Variants in NF1 observed in about 807,000 individuals in gnomAD.
NF1 encodes the protein neurofibromin.
Under a neutral mutation model 325.7 loss-of-function variants are expected in NF1, and 122 were observed. The observed-to-expected ratio is 0.37, with a 90% CI of 0.32 to 0.44. NF1 has a LOEUF of 0.44. Among genes scored for constraint, NF1 ranks in the 20% least tolerant of loss-of-function variants. The pLI is 1.00. For synonymous variants in NF1, 1,091 were observed against 1,186.0 expected (o/e 0.92, Z 1.65); for missense variants, 2,140 against 3,415.4 (o/e 0.63, Z 9.31).
At chr17:31,281,728 A>T (rs2151485875) in intron 36 of NF1, among the ~76,000 whole-genome samples, 1 of 152,274 alleles carries the variant, frequency 6.6e-6, no homozygotes, top group East Asian at 1.9e-4. Context: ...GTTTAAAAAA[A>T]AAAAATTCAT....
At chr17:31,332,970 C>CA (rs1464268824) in intron 39 of NF1, among the ~76,000 whole-genome samples, 1 of 151,992 alleles carries the variant, frequency 6.6e-6, no homozygotes, top group Non-Finnish European at 1.5e-5. Flanking sequence ...AGCCAGGCAC[C>CA]ATGGCACATG....
chr17:31,143,814 C>T (rs1443239944), intron 1 of NF1, among the ~76,000 whole-genome samples: 2 of 151,636 alleles, frequency 1.3e-5, no homozygotes, highest in African/African-American at 4.8e-5. Context: ...TTTTTCTTTT[C>T]TTTTCTTTTT....
intron 36 of NF1, among the ~76,000 whole-genome samples, chr17:31,273,100 G>A (rs1010988858): frequency 6.6e-6 from 1 of 152,060 alleles, no homozygotes; most frequent in Non-Finnish European, 1.5e-5. Context: ...AGTAGGGTAG[G>A]GGCAAAGACT....
rs374275556 is a variant in NF1 at position 31,192,057 on chromosome 17, G to A, written c.889-8365G>A. On this transcript the variant is annotated intron_variant, in intron 8 of 57. Transcript: ENST00000358273. The stretch of plus-strand genomic sequence containing the variant: ...GTTTTTCCAGTCACCTGTTTCTTTT[G>A]ACTATAGTATCTTTTTTTAAAAAGA... Among the ~76,000 whole-genome samples the A allele has an allele frequency of 1.5e-4, 23 of 152,082 alleles. No individual in the cohort carries two copies. In the South Asian group the frequency reaches 4.6e-3, roughly 30 times the overall value.
intron 12 of NF1, among the ~76,000 whole-genome samples, chr17:31,206,639 G>C (rs1445305067): frequency 1.3e-5 from 2 of 150,958 alleles, no homozygotes; most frequent in African/African-American, 4.9e-5. Context: ...TTTTTTTTCT[G>C]TTTTTAAAGT....
intron 36 of NF1, chr17:31,307,832 A>G: frequency 8.4e-7 from 1 of 1,195,356 alleles, no homozygotes; most frequent in Non-Finnish European, 1.1e-6. Context: ...ATAAGCCTAT[A>G]TTTAGAGAGA....
intron 8 of NF1, among the ~76,000 whole-genome samples, chr17:31,184,638 A>T (rs2066201251): frequency 6.9e-6 from 1 of 145,526 alleles, no homozygotes; most frequent in African/African-American, 2.5e-5. Context: ...CGACAGCGAG[A>T]CTCCGTCTCA....
At chr17:31,247,706 G>A (rs1212235250) in intron 29 of NF1, among the ~76,000 whole-genome samples, 2 of 152,114 alleles carry the variant, frequency 1.3e-5, no homozygotes, top group Non-Finnish European at 2.9e-5. Flanking sequence ...GTGCAAGAAT[G>A]TTCATTGCAA....
chr17:31,221,816 TTC>T (rs769493882), intron 14 of NF1, 32 bp from the exon 15 acceptor site: 8 of 1,491,820 alleles, frequency 5.4e-6, no homozygotes, highest in Admixed American at 3.3e-5. Context: ...TGAGTGAGTC[TTC>T]TCTTTGTCTT....
chr17:31,140,253 G>A (rs1275266545), intron 1 of NF1, among the ~76,000 whole-genome samples: 2 of 152,140 alleles, frequency 1.3e-5, no homozygotes, highest in African/African-American at 2.4e-5. Context: ...TGGCATCTCC[G>A]AAAGTATGAA....
At chr17:31,180,542 A>G (rs978988479) in intron 5 of NF1, among the ~76,000 whole-genome samples, 1 of 152,226 alleles carries the variant, frequency 6.6e-6, no homozygotes, top group African/African-American at 2.4e-5. Flanking sequence ...ATGAAATTCA[A>G]CAGCCCTTCA....
intron 1 of NF1, among the ~76,000 whole-genome samples, chr17:31,101,288 T>C (rs2143211797): frequency 6.6e-6 from 1 of 152,264 alleles, no homozygotes; most frequent in South Asian, 2.1e-4. Context: ...CACAATACTT[T>C]TCTACTGAAT....
chr17:31,260,218 G>T, intron 33 of NF1, 151 bp from the exon 34 acceptor site: 4 of 784,084 alleles, frequency 5.1e-6, no homozygotes, highest in Admixed American at 2.4e-5. Flanking sequence ...TGTCCTTTTT[G>T]CTTTGTCTAA....
At chr17:31,154,402 A>G (rs1917175889) in intron 1 of NF1, among the ~76,000 whole-genome samples, 1 of 152,072 alleles carries the variant, frequency 6.6e-6, no homozygotes, top group Admixed American at 6.6e-5. Context: ...CACCAGCTGC[A>G]TTTTATGAAA....
At chr17:31,225,589 G>A (rs1166832500) in intron 17 of NF1, among the ~76,000 whole-genome samples, 1 of 152,140 alleles carries the variant, frequency 6.6e-6, no homozygotes, top group Non-Finnish European at 1.5e-5. Context: ...TCATACCACA[G>A]AAGTATAGAA....
intron 1 of NF1, among the ~76,000 whole-genome samples, chr17:31,099,766 G>C (rs563373331): frequency 1.6e-4 from 24 of 151,934 alleles, no homozygotes; most frequent in African/African-American, 5.8e-4. Flanking sequence ...TCACCGTGTT[G>C]GCCAGGCTGG....
chr17:31,228,577 C>T (rs1195470360), intron 20 of NF1, among the ~76,000 whole-genome samples: 3 of 152,104 alleles, frequency 2.0e-5, no homozygotes, highest in Non-Finnish European at 4.4e-5. Flanking sequence ...AAAAAAACCC[C>T]GTACCCTTTA....
At chr17:31,338,249 T>C (rs1597845397) in intron 45 of NF1, 110 bp downstream of exon 45, 3 of 796,198 alleles carry the variant, frequency 3.8e-6, no homozygotes, top group East Asian at 2.5e-5. Context: ...AAATATCTTA[T>C]ATGTTACTTA....
chr17:31,261,631 C>G lies in NF1; in HGVS notation c.4578-80C>G, dbSNP rs1567863514. On this transcript the variant is annotated intron_variant, in intron 34 of 57. Coordinates refer to ENST00000358273, the MANE Select transcript of NF1 (RefSeq NM_001042492.3). ...AATCAGCTGACAGTAAAAGGAAAAG[C>G]AACCAGTTACAAGTTAAAGAAATGT... The G allele has an allele frequency of 1.1e-5, 17 of 1,518,828 alleles. No individual in the cohort carries two copies. The Admixed American group carries it at 1.8e-4, about 16-fold the overall frequency. The allele number at this position is 1,518,828 out of a possible 1,614,324, so 94.1% of individuals were successfully genotyped here.
Sources: allele counts gnomAD v4.1 joint callset (sites outside exome capture counted in the v4.1 genomes callset), GRCh38; gene constraint gnomAD v4.1.1; transcripts MANE v1.5; gene names NCBI Gene and HGNC (gene_info 2026-07-23, HGNC 2026-07-21).